STK38L: variants seen among roughly 807,000 people sequenced by gnomAD.
The protein encoded by STK38L is serine/threonine-protein kinase 38-like.
STK38L carries 28 observed loss-of-function variants against 59.7 expected under a neutral mutation model. The observed-to-expected ratio is 0.47, with a 90% confidence interval of 0.35 to 0.64. The LOEUF is 0.64. STK38L is among the 30% of genes least tolerant of loss of function. The pLI is 0.01. For synonymous variants in STK38L, 162 were observed against 176.8 expected (o/e 0.92, Z 0.66); for missense variants, 314 against 555.8 (o/e 0.56, Z 4.37).
chr12:27,291,126 TA>T (rs932823805), intron 1 of STK38L, among the ~76,000 whole-genome samples: 1 of 152,004 alleles, frequency 6.6e-6, no homozygotes, highest in Non-Finnish European at 1.5e-5. Context: ...GGTACTTGGG[TA>T]AAAACTCAAT....
At chr12:27,312,710 A>G in intron 6 of STK38L, 38 bp downstream of exon 6, 1 of 1,603,986 alleles carries the variant, frequency 6.2e-7, no homozygotes, top group Non-Finnish European at 8.5e-7. Flanking sequence ...GACTGATACA[A>G]GCACATCTTT....
chr12:27,269,065 A>G (rs1943362711), intron 1 of STK38L, among the ~76,000 whole-genome samples: 1 of 152,064 alleles, frequency 6.6e-6, no homozygotes. Context: ...CCCATTCTGT[A>G]GGTTGCCTGT....
chr12:27,318,135 G>A, intron 11 of STK38L, 116 bp downstream of exon 11: 3 of 1,257,992 alleles, frequency 2.4e-6, no homozygotes, highest in Non-Finnish European at 2.2e-6. Context: ...TACAGTCAAA[G>A]AGATCAATAA....
intron 6 of STK38L, 67 bp from the exon 7 acceptor site, chr12:27,314,437 G>T: frequency 8.3e-7 from 1 of 1,209,590 alleles, no homozygotes; most frequent in Non-Finnish European, 1.1e-6. Flanking sequence ...AAGCAGGAAA[G>T]CTTTTACAAG....
At chr12:27,279,600 C>T (rs1416843439) in intron 1 of STK38L, among the ~76,000 whole-genome samples, 1 of 151,340 alleles carries the variant, frequency 6.6e-6, no homozygotes, top group Non-Finnish European at 1.5e-5. Context: ...GTGGTGGGCA[C>T]CTGTAATCCC....
chr12:27,247,729 C>T (rs773578962), intron 1 of STK38L, among the ~76,000 whole-genome samples: 146 of 151,592 alleles, frequency 9.6e-4, no homozygotes, highest in Non-Finnish European at 1.7e-3. Flanking sequence ...AGCCTGGACT[C>T]GAACTTCTGG....
At chr12:27,252,019 A>G (rs1942985132) in intron 1 of STK38L, among the ~76,000 whole-genome samples, 1 of 152,000 alleles carries the variant, frequency 6.6e-6, no homozygotes, top group Non-Finnish European at 1.5e-5. Context: ...TCGCTGTGTC[A>G]CCCAGGCTGG....
chr12:27,274,520 G>T (rs913531680), intron 1 of STK38L, among the ~76,000 whole-genome samples: 4 of 152,200 alleles, frequency 2.6e-5, no homozygotes, highest in African/African-American at 9.7e-5. Flanking sequence ...GGCCAGCAGG[G>T]AGTTACCATC....
chr12:27,245,687 A>G (rs1942834887), intron 1 of STK38L: 1 of 152,078 alleles, frequency 6.6e-6, no homozygotes, highest in East Asian at 1.9e-4. Context: ...CCTTGTGACT[A>G]TTTGAGGAGA....
chr12:27,295,298 T>C (rs1417810732), intron 1 of STK38L, among the ~76,000 whole-genome samples: 1 of 152,226 alleles, frequency 6.6e-6, no homozygotes, highest in Non-Finnish European at 1.5e-5. Context: ...TCAGATGGCC[T>C]TAGAACTAGG....
chr12:27,262,319 T>C (rs1389563299), intron 1 of STK38L, among the ~76,000 whole-genome samples: 1 of 152,202 alleles, frequency 6.6e-6, no homozygotes, highest in Non-Finnish European at 1.5e-5. Context: ...CTTTTAAAAA[T>C]AGAAATTTTA....
At chr12:27,319,091 T>C (rs933438811) in intron 11 of STK38L, among the ~76,000 whole-genome samples, 2 of 152,260 alleles carry the variant, frequency 1.3e-5, no homozygotes, top group African/African-American at 4.8e-5. Flanking sequence ...ATAGTAACTA[T>C]GGTAGCAACA....
At chr12:27,297,670 T>C in intron 1 of STK38L, 40 bp from the exon 2 acceptor site, 1 of 1,569,236 alleles carries the variant, frequency 6.4e-7, no homozygotes, top group Non-Finnish European at 8.6e-7. Context: ...ATAGGGGTTT[T>C]TTTTCCCACT....
At chr12:27,312,853 G>C (rs987119059) in intron 6 of STK38L, among the ~76,000 whole-genome samples, 181 bp downstream of exon 6, 1 of 152,112 alleles carries the variant, frequency 6.6e-6, no homozygotes, top group Non-Finnish European at 1.5e-5. Context: ...TGTTTTGAAG[G>C]AATTATAAAG....
chr12:27,306,752 C>CACACACACACACAT (rs1491536388), intron 3 of STK38L, among the ~76,000 whole-genome samples: 1 of 139,636 alleles, frequency 7.2e-6, no homozygotes. Flanking sequence ...CACACACACA[C>CACACACACACACAT]ATATATTTGA....
intron 6 of STK38L, 51 bp from the exon 7 acceptor site, chr12:27,314,453 C>A: frequency 1.5e-6 from 2 of 1,342,850 alleles, no homozygotes; most frequent in Non-Finnish European, 2.0e-6. Context: ...ACAAGGTATT[C>A]CACCTTTGAG....
Position 27,256,420 on chromosome 12 carries a change from T to A in STK38L, c.-12+12088T>A, listed in dbSNP as rs369138972. 7.2e-5 allele frequency among the ~76,000 whole-genome samples: 11 copies of A among 152,328 alleles called. No individual in the cohort carries two copies. The East Asian group carries it at 2.1e-3, about 29-fold the overall frequency. Reference sequence around the variant, plus strand: ...GTACCTTCGGTCTCACACACTACTTTCTGGAATGCCCTTTCCTATACTTCT... The same window carrying A: ...GTACCTTCGGTCTCACACACTACTTACTGGAATGCCCTTTCCTATACTTCT... On this transcript the variant is annotated intron_variant, in intron 1 of 13. Coordinates refer to ENST00000389032, the MANE Select transcript of STK38L (RefSeq NM_015000.4).
intron 1 of STK38L, among the ~76,000 whole-genome samples, chr12:27,265,952 C>A (rs1943293218): frequency 1.3e-5 from 2 of 152,110 alleles, no homozygotes; most frequent in Admixed American, 6.6e-5. Context: ...ATGGATGCTA[C>A]CCTCTCAAGA....
intron 1 of STK38L, among the ~76,000 whole-genome samples, chr12:27,273,118 A>AT (rs569296904): frequency 2.7e-5 from 4 of 149,748 alleles, no homozygotes; most frequent in African/African-American, 9.8e-5. Flanking sequence ...TGTGTTTGAT[A>AT]TTTTTTTCTT....
Sources: allele counts gnomAD v4.1 joint callset (sites outside exome capture counted in the v4.1 genomes callset), GRCh38; gene constraint gnomAD v4.1.1; transcripts MANE v1.5; gene names NCBI Gene and HGNC (gene_info 2026-07-23, HGNC 2026-07-21).